Variants in DSCAM observed in about 807,000 individuals in gnomAD.
DSCAM encodes the protein cell adhesion molecule DSCAM.
In DSCAM, 47 loss-of-function variants were observed where a neutral mutation model predicts 217.7. That is an observed-to-expected ratio of 0.22 (90% CI 0.17 to 0.28). The LOEUF (loss-of-function observed/expected upper bound fraction) is 0.28, where lower values mean the gene tolerates loss of function less well. Among genes scored for constraint, DSCAM ranks in the 10% least tolerant of loss-of-function variants. DSCAM has a pLI of 1.00. For synonymous variants in DSCAM, 1,056 were observed against 1,015.3 expected (o/e 1.04, Z -0.76); for missense variants, 2,080 against 2,618.3 (o/e 0.79, Z 4.49).
chr21:40,470,480 C>T (rs2075879190), intron 3 of DSCAM, among the ~76,000 whole-genome samples: 1 of 152,252 alleles, frequency 6.6e-6, no homozygotes, highest in East Asian at 1.9e-4. Context: ...GCCCTCTCTT[C>T]TCCAGCGCCT....
intron 1 of DSCAM, among the ~76,000 whole-genome samples, chr21:40,756,405 TG>T (rs2091276942): frequency 6.6e-6 from 1 of 152,160 alleles, no homozygotes; most frequent in African/African-American, 2.4e-5. Flanking sequence ...TCTTTTTTTT[TG>T]TTTGAGTTAG....
chr21:40,137,412 C>T (rs999155995), intron 18 of DSCAM, among the ~76,000 whole-genome samples: 5 of 151,968 alleles, frequency 3.3e-5, no homozygotes, highest in Non-Finnish European at 5.9e-5. Flanking sequence ...TGAAGGAAGG[C>T]TATTTTCCTG....
At position 40,167,249 on chromosome 21, in the gene DSCAM, A is replaced by G. The variant is rs1177343652; in HGVS notation, c.2987T>C (p.Ile996Thr). The change falls in exon 16 of 33, where the codon ATA (isoleucine) becomes ACA (threonine). Residue 996 changes from isoleucine to threonine, a missense_variant. Coordinates refer to ENST00000400454, the MANE Select transcript of DSCAM (RefSeq NM_001389.5). ...TGTGACCCTGATGCTCTGAGATGAT[A>G]TAGGCTCCAGGTGAACTTCCTGAGG... ...GPPQEVHLEP[I>T]SSQSIRVTWK... 1 of 1,613,990 alleles carries G rather than the reference A, an allele frequency of 6.2e-7. No homozygotes were observed. The highest frequency in any genetic ancestry group is 1.3e-5 in the African/African-American group (1 of 74,980).
intron 18 of DSCAM, among the ~76,000 whole-genome samples, chr21:40,137,576 C>T (rs2090226180): frequency 6.8e-6 from 1 of 146,988 alleles, no homozygotes; most frequent in Non-Finnish European, 1.5e-5. Context: ...GCTTTCATGC[C>T]TCTGTAGGGC....
At chr21:40,563,522 T>C (rs1411255033) in intron 3 of DSCAM, among the ~76,000 whole-genome samples, 2 of 133,890 alleles carry the variant, frequency 1.5e-5, no homozygotes, top group Non-Finnish European at 3.0e-5. Flanking sequence ...AAACAAAATA[T>C]ATCTATTTGT....
chr21:40,691,103 C>T (rs780023165), intron 3 of DSCAM, among the ~76,000 whole-genome samples: 2 of 152,212 alleles, frequency 1.3e-5, no homozygotes, highest in Non-Finnish European at 2.9e-5. Context: ...AAAAAATCCT[C>T]CTGGTAGATA....
At chr21:40,218,492 A>T (rs1349572362) in intron 11 of DSCAM, among the ~76,000 whole-genome samples, 1 of 152,072 alleles carries the variant, frequency 6.6e-6, no homozygotes, top group Non-Finnish European at 1.5e-5. Flanking sequence ...TTTTGGTTCC[A>T]TATGAATTTC....
chr21:40,371,749 T>C (rs1001147010), intron 3 of DSCAM, among the ~76,000 whole-genome samples: 3 of 152,198 alleles, frequency 2.0e-5, no homozygotes, highest in Admixed American at 6.5e-5. Context: ...TTGAGATGTT[T>C]ACAGGAATGA....
intron 11 of DSCAM, among the ~76,000 whole-genome samples, chr21:40,208,298 C>CA (rs2091147104): frequency 2.0e-5 from 3 of 152,086 alleles, no homozygotes; most frequent in South Asian, 4.2e-4. Context: ...ACTAAAAATG[C>CA]AAAAAATTAG....
At chr21:40,400,220 T>G (rs1256235264) in intron 3 of DSCAM, among the ~76,000 whole-genome samples, 2 of 152,222 alleles carry the variant, frequency 1.3e-5, no homozygotes, top group African/African-American at 4.8e-5. Flanking sequence ...GTAGAAATCT[T>G]AAAAGATTTT....
At chr21:40,306,843 C>T (rs979028987) in intron 9 of DSCAM, among the ~76,000 whole-genome samples, 3 of 151,748 alleles carry the variant, frequency 2.0e-5, no homozygotes, top group Non-Finnish European at 4.4e-5. Context: ...ATTCGGTTTG[C>T]CAGTATTTTA....
intron 3 of DSCAM, among the ~76,000 whole-genome samples, chr21:40,497,841 A>G (rs141141799): frequency 3.3e-4 from 50 of 152,382 alleles, no homozygotes; most frequent in African/African-American, 1.2e-3. Flanking sequence ...AGAGTTTTGC[A>G]TCACTAAATG....
intron 16 of DSCAM, among the ~76,000 whole-genome samples, chr21:40,161,386 A>C (rs1336836107): frequency 1.3e-5 from 2 of 151,754 alleles, no homozygotes; most frequent in African/African-American, 4.9e-5. Flanking sequence ...AAATTTAGTC[A>C]CCTAGGGCTT....
intron 21 of DSCAM, among the ~76,000 whole-genome samples, chr21:40,090,831 TG>T (rs1281814324): frequency 6.6e-6 from 1 of 152,204 alleles, no homozygotes; most frequent in Non-Finnish European, 1.5e-5. Context: ...TCTGAGTGAA[TG>T]GCTCTTCGTC....
intron 1 of DSCAM, among the ~76,000 whole-genome samples, chr21:40,751,400 A>T (rs2091226811): frequency 6.6e-6 from 1 of 152,192 alleles, no homozygotes; most frequent in Non-Finnish European, 1.5e-5. Context: ...TGTTTTGTTC[A>T]CACTGTATCC....
At chr21:40,831,230 A>T (rs1358537427) in intron 1 of DSCAM, among the ~76,000 whole-genome samples, 1 of 152,226 alleles carries the variant, frequency 6.6e-6, no homozygotes, top group East Asian at 1.9e-4. Flanking sequence ...GACATATATC[A>T]CATATGAGTA....
chr21:40,507,315 C>T (rs140563638), intron 3 of DSCAM, among the ~76,000 whole-genome samples: 106 of 151,950 alleles, frequency 7.0e-4, no homozygotes, highest in African/African-American at 2.4e-3. Context: ...AAAAAACAGC[C>T]GCAACTATTC....
chr21:40,315,980 T>C (rs1169504960), intron 8 of DSCAM, among the ~76,000 whole-genome samples: 4 of 152,156 alleles, frequency 2.6e-5, no homozygotes, highest in African/African-American at 9.7e-5. Flanking sequence ...TGGATGACAT[T>C]TTGTTTGGGA....
At chr21:40,812,789 G>A (rs377561994) in intron 1 of DSCAM, among the ~76,000 whole-genome samples, 20 of 152,274 alleles carry the variant, frequency 1.3e-4, no homozygotes, top group African/African-American at 4.3e-4. Context: ...TTCACTTAAA[G>A]GTCACGCACA....
Sources: gnomAD v4.1 joint callset for allele counts (sites outside exome capture counted in the v4.1 genomes callset) on GRCh38, gnomAD v4.1.1 for gene constraint, MANE v1.5 for transcripts, NCBI Gene and HGNC (gene_info 2026-07-23, HGNC 2026-07-21) for gene names.